NRN1: variants seen among roughly 807,000 people sequenced by gnomAD.
NRN1 encodes the protein neuritin 1, also known as neuritin.
Under a neutral mutation model 15.0 loss-of-function variants are expected in NRN1, and 4 were observed. That is an observed-to-expected ratio of 0.27 (90% CI 0.13 to 0.61). The LOEUF is 0.61. NRN1 is among the 20% of genes least tolerant of loss of function. The pLI is 0.87. For synonymous variants in NRN1, 85 were observed against 79.8 expected (o/e 1.07, Z -0.35); for missense variants, 134 against 181.9 (o/e 0.74, Z 1.51).
chr6:5,998,012 CTTTTA>C lies in NRN1; in HGVS notation c.*959_*963del, dbSNP rs1225824248. 2 of 152,124 alleles carry C rather than the reference CTTTTA, an allele frequency of 1.3e-5. No homozygotes were observed. Among genetic ancestry groups the C allele is most frequent in the Non-Finnish European group, 2.9e-5 (2 of 68,020 alleles). The allele number at this position is 152,124 out of a possible 1,614,324, so 9.4% of individuals were successfully genotyped here. A position where few individuals can be genotyped will look rare whatever the true frequency, so the allele number is the denominator to read the frequency against. ...ACGACACCCCCATTTCAAACAATAA[CTTTTA>C]TTTTATACTTCTCTATACTTTGTAG... is the stretch of plus-strand genomic sequence containing the variant. On this transcript the variant is annotated 3_prime_UTR_variant, in exon 3 of 3. Transcript: ENST00000244766.
upstream of NRN1, chr6:6,007,084 A>G: frequency 3.2e-6 from 1 of 310,176 alleles, no homozygotes; most frequent in South Asian, 4.4e-5. Context: ...TTTAATATAG[A>G]CACCTTGGTA....
Position 5,999,163 on chromosome 6 carries a change from G to T in NRN1, c.242C>A (p.Thr81Lys), listed in dbSNP as rs776418855. Reference protein sequence around the residue: ...DFHSCTVTALTDCQEGAKDMW... With the variant: ...DFHSCTVTALKDCQEGAKDMW... ...ATCTTTCGCCCCTTCCTGGCAATCCGTAAGGGCTGTGACCGTGCAGCTGTG... is the reference window on the plus strand; with the variant it reads ...ATCTTTCGCCCCTTCCTGGCAATCCTTAAGGGCTGTGACCGTGCAGCTGTG... The change falls in exon 3 of 3, where the codon ACG (threonine) becomes AAG (lysine). Residue 81 changes from threonine (T) to lysine (K), a missense_variant. Thr to Lys is a moderately conservative substitution (Grantham distance 78). Transcript: ENST00000244766. 1 of 1,614,054 alleles carries T rather than the reference G, an allele frequency of 6.2e-7. No homozygotes were observed. Among genetic ancestry groups the T allele is most frequent in the Non-Finnish European group, 8.5e-7 (1 of 1,179,990 alleles).
chr6:6,000,748 T>TTTTTTTTTTTTTTTTTTTTTTTTTTA lies in NRN1; in HGVS notation c.201-1545_201-1544insTAAAAAAAAAAAAAAAAAAAAAAAAA, dbSNP rs1554145373. 3.0e-5 allele frequency among the ~76,000 whole-genome samples: 3 copies of TTTTTTTTTTTTTTTTTTTTTTTTTTA among 99,102 alleles called. 1 individual carries two copies. Among genetic ancestry groups the TTTTTTTTTTTTTTTTTTTTTTTTTTA allele is most frequent in the African/African-American group, 7.8e-5 (2 of 25,494 alleles). 65.0% of individuals were successfully genotyped at this position (99,102 alleles called of 152,430 possible). On this transcript the variant is annotated intron_variant, in intron 2 of 2. Transcript: ENST00000244766. ...TTTTTTTTTTTTTTTTTTTTTTTTT[T>TTTTTTTTTTTTTTTTTTTTTTTTTTA]ATGTACGCCCAGATGAGGGCAGAGT...
At chr6:6,004,406 G>T (rs1009539193) in intron 1 of NRN1, among the ~76,000 whole-genome samples, 7 of 152,012 alleles carry the variant, frequency 4.6e-5, no homozygotes, top group Admixed American at 1.3e-4. Context: ...CAATCTCCCC[G>T]TCCACGTCTC....
At chr6:6,003,520 G>A (rs1758022151) in intron 1 of NRN1, among the ~76,000 whole-genome samples, 1 of 152,236 alleles carries the variant, frequency 6.6e-6, no homozygotes, top group Admixed American at 6.5e-5. Flanking sequence ...GCTCGCCGCG[G>A]CCCGGGGCTC....
intron 1 of NRN1, chr6:6,003,862 G>T (rs557632417): frequency 9.2e-5 from 113 of 1,232,310 alleles, no homozygotes; most frequent in Admixed American, 1.3e-4. Context: ...TCTCAGAATC[G>T]AAATCCGCAC....
chr6:6,006,674 C>G (rs752495914), intron 1 of NRN1, 21 bp downstream of exon 1: 41 of 1,613,080 alleles, frequency 2.5e-5, no homozygotes, highest in Non-Finnish European at 3.4e-5. Flanking sequence ...CAGCCTCCAG[C>G]CGGGCTGAGC....
chr6:6,001,401 G>T (rs1561903062), intron 2 of NRN1, among the ~76,000 whole-genome samples: 2 of 152,230 alleles, frequency 1.3e-5, no homozygotes, highest in Non-Finnish European at 2.9e-5. Flanking sequence ...AATGGGTGTT[G>T]CAGAGGACAG....
intron 1 of NRN1, chr6:6,003,835 G>A (rs1318494104): frequency 4.1e-6 from 5 of 1,233,276 alleles, no homozygotes; most frequent in South Asian, 4.1e-5. Context: ...GCGTTAGGGC[G>A]GGGAAGAAAG....
chr6:6,002,956 A>G (rs1757999050), intron 1 of NRN1: 1 of 401,328 alleles, frequency 2.5e-6, no homozygotes. Context: ...TCTCGGCTGC[A>G]GCGTGCGGGG....
chr6:5,998,200 G>A lies in NRN1; in HGVS notation c.*776C>T, dbSNP rs1757819453. 1 of 151,754 alleles carries A rather than the reference G, an allele frequency of 6.6e-6. No individual in the cohort carries two copies. The highest frequency in any genetic ancestry group is 2.4e-5 in the African/African-American group (1 of 41,242). 9.4% of individuals were successfully genotyped at this position (151,754 alleles called of 1,614,324 possible). A position where few individuals can be genotyped will look rare whatever the true frequency, so the allele number is the denominator to read the frequency against. The stretch of plus-strand genomic sequence containing the variant: ...CCCCCCCTTGTGATCTATACCGTTG[G>A]ATATTCAGGTATTACTGTGTGTGTA... On this transcript the variant is annotated 3_prime_UTR_variant, in exon 3 of 3. Coordinates refer to ENST00000244766, the MANE Select transcript of NRN1 (RefSeq NM_016588.3).
Position 6,003,963 on chromosome 6 carries a change from C to G in NRN1, c.56-1466G>C, listed in dbSNP as rs192104059. The G allele has an allele frequency of 5.1e-4, 619 of 1,224,058 alleles. No homozygotes were observed. The African/African-American group carries it at 8.2e-3, about 16-fold the overall frequency. 75.8% of individuals were successfully genotyped at this position (1,224,058 alleles called of 1,614,324 possible). A position where few individuals can be genotyped will look rare whatever the true frequency, so the allele number is the denominator to read the frequency against. ...GAATGTGTCCCGGGAGGACCGGACA[C>G]CTCAATCCCCCGGCCCCCAACGCGG... On this transcript the variant is annotated intron_variant, in intron 1 of 2. Coordinates refer to ENST00000244766, the MANE Select transcript of NRN1 (RefSeq NM_016588.3).
At position 5,998,902 on chromosome 6, in the gene NRN1, A is replaced by G; in HGVS notation, c.*74T>C. On this transcript the variant is annotated 3_prime_UTR_variant, in exon 3 of 3. Coordinates refer to ENST00000244766, the MANE Select transcript of NRN1 (RefSeq NM_016588.3). ...AGAATCACAACGTCCCCAAAGAACT[A>G]ATGGATCTTCCTCTCGATTTCCGGG... 1 of 1,042,222 alleles carries G rather than the reference A, an allele frequency of 9.6e-7. No homozygotes were observed. The highest frequency in any genetic ancestry group is 1.4e-6 in the Non-Finnish European group (1 of 695,372). 64.6% of individuals were successfully genotyped at this position (1,042,222 alleles called of 1,614,324 possible).
At chr6:6,002,928 T>C (rs1426027949) in intron 1 of NRN1, 3 of 394,492 alleles carry the variant, frequency 7.6e-6, no homozygotes, top group African/African-American at 6.2e-5. Context: ...ATCTTCCATT[T>C]TGAGGTGACA....
chr6:6,007,129 T>A (rs1453999889), upstream of NRN1, among the ~76,000 whole-genome samples: 1 of 152,018 alleles, frequency 6.6e-6, no homozygotes, highest in Non-Finnish European at 1.5e-5. Context: ...GAAGCTGGAA[T>A]TAATCAGATA....
At chr6:6,002,981 G>A (rs963818803) in intron 1 of NRN1, 4 of 402,940 alleles carry the variant, frequency 9.9e-6, no homozygotes, top group African/African-American at 2.1e-5. Context: ...GAACGGGGTG[G>A]GGAGACGACA....
At chr6:6,004,111 T>A in intron 1 of NRN1, 1 of 964,770 alleles carries the variant, frequency 1.0e-6, no homozygotes, top group Non-Finnish European at 1.3e-6. Flanking sequence ...TTGCGCTTTT[T>A]AATCCGGAAC....
chr6:6,005,654 C>G (rs937514734), intron 1 of NRN1, among the ~76,000 whole-genome samples: 3 of 152,206 alleles, frequency 2.0e-5, no homozygotes, highest in Non-Finnish European at 4.4e-5. Context: ...CAAAGAATGC[C>G]ACAGCCTGAA....
intron 1 of NRN1, chr6:6,003,972 C>T (rs909788375): frequency 5.5e-5 from 67 of 1,221,940 alleles, no homozygotes; most frequent in Admixed American, 1.7e-4. Context: ...ACCTCAATCC[C>T]CCGGCCCCCA....
Sources: gnomAD v4.1 joint callset for allele counts (sites outside exome capture counted in the v4.1 genomes callset) on GRCh38, gnomAD v4.1.1 for gene constraint, MANE v1.5 for transcripts, NCBI Gene and HGNC (gene_info 2026-07-23, HGNC 2026-07-21) for gene names.